Variants in XRCC5 observed in about 807,000 individuals in gnomAD.
XRCC5 encodes DNA repair protein Ku80.
A neutral mutation model predicts 95.7 loss-of-function variants in XRCC5; 12 were observed. The observed-to-expected ratio is 0.13, with a 90% CI of 0.08 to 0.20. XRCC5 has a LOEUF of 0.20. XRCC5 is among the 10% of genes least tolerant of loss of function. The pLI is 1.00. For synonymous variants in XRCC5, 281 were observed against 290.3 expected, an observed-to-expected ratio of 0.97 and a Z score of 0.33; for missense variants, 595 against 873.9, an observed-to-expected ratio of 0.68 and a Z score of 4.02.
intron 14 of XRCC5, among the ~76,000 whole-genome samples, chr2:216,152,248 C>A (rs374692227): frequency 4.0e-4 from 61 of 152,190 alleles, no homozygotes; most frequent in African/African-American, 1.4e-3. Context: ...ACCAGCCTGG[C>A]CAACATGGTG....
chr2:216,175,372 C>T, intron 16 of XRCC5: 1 of 490,178 alleles, frequency 2.0e-6, no homozygotes, highest in Non-Finnish European at 4.0e-6. Context: ...CTCCACAACC[C>T]ATAAAGTTGT....
At chr2:216,112,960 T>TA (rs1056079112) in intron 1 of XRCC5, 56 bp from the exon 2 acceptor site, 5 of 1,367,360 alleles carry the variant, frequency 3.7e-6, no homozygotes, top group Non-Finnish European at 5.2e-6. Context: ...GGGACATTCT[T>TA]ACAGTCTTTT....
At chr2:216,146,878 C>T (rs1010735860) in intron 13 of XRCC5, among the ~76,000 whole-genome samples, 2 of 152,172 alleles carry the variant, frequency 1.3e-5, no homozygotes, top group African/African-American at 2.4e-5. Flanking sequence ...TTTATTCCTT[C>T]AGCTGTTATC....
At chr2:216,159,391 T>C (rs1688905391) in intron 14 of XRCC5, among the ~76,000 whole-genome samples, 1 of 152,234 alleles carries the variant, frequency 6.6e-6, no homozygotes, top group Non-Finnish European at 1.5e-5. Flanking sequence ...AGGCAAGATG[T>C]TTGATATACT....
intron 14 of XRCC5, 39 bp from the exon 15 acceptor site, chr2:216,160,024 TTTGTA>T (rs1477902473): frequency 3.4e-6 from 4 of 1,177,444 alleles, no homozygotes; most frequent in Non-Finnish European, 4.8e-6. Context: ...GCAATCTGGT[TTTGTA>T]TTGTTTGTTC....
In XRCC5 at chr2:216,109,546, A is replaced by G. The variant is rs1003830595; in HGVS notation, c.21+89A>G. 22 of 1,572,536 alleles carry G rather than the reference A, an allele frequency of 1.4e-5. No homozygotes were observed. The African/African-American group carries it at 2.8e-4, about 20-fold the overall frequency. Reference sequence around the variant, plus strand: ...AGCAGGAATCGTGGGATCGCGGTCAAGACAAAGAATGGGGCAAGAGAAGAT... The same window carrying G: ...AGCAGGAATCGTGGGATCGCGGTCAGGACAAAGAATGGGGCAAGAGAAGAT... On this transcript the variant is annotated intron_variant, in intron 1 of 20. Coordinates refer to ENST00000392132, the MANE Select transcript of XRCC5 (RefSeq NM_021141.4).
Position 216,205,438 on chromosome 2 carries a change from GTAT to G in XRCC5, c.*241_*243del, listed in dbSNP as rs1689926332. The G allele has an allele frequency of 1.9e-6, 1 of 539,138 alleles. No individual in the cohort carries two copies. The highest frequency in any genetic ancestry group is 3.3e-6 in the Non-Finnish European group (1 of 303,302). 33.4% of individuals were successfully genotyped at this position (539,138 alleles called of 1,614,324 possible). On this transcript the variant is annotated 3_prime_UTR_variant, in exon 21 of 21. Coordinates refer to ENST00000392132, the MANE Select transcript of XRCC5 (RefSeq NM_021141.4). ...GAGTCATTGTTATTTTCTGGTTGGTGTATTATTTTTTCTGTGGTCTTACTGATC... is the reference window on the plus strand; with the variant it reads ...GAGTCATTGTTATTTTCTGGTTGGTGTATTTTTTCTGTGGTCTTACTGATC...
rs1051685 is a variant in XRCC5 at position 216,205,653 on chromosome 2, A to G, written c.*451A>G. On this transcript the variant is annotated 3_prime_UTR_variant, in exon 21 of 21. Coordinates refer to ENST00000392132, the MANE Select transcript of XRCC5 (RefSeq NM_021141.4). ...GCCTGATCCTCCAACAGCTGTCACA[A>G]CTTGTGTTGAGCAAGCAGTAGCATT... 27,171 of 157,042 alleles carry G rather than the reference A, an allele frequency of 0.17. 2,979 individuals carry two copies. Among genetic ancestry groups the G allele is most frequent in the African/African-American group, 0.32 (13,251 of 41,516 alleles). The allele number at this position is 157,042 out of a possible 1,614,324, so 9.7% of individuals were successfully genotyped here. A position where few individuals can be genotyped will look rare whatever the true frequency, so the allele number is the denominator to read the frequency against.
At chr2:216,139,409 A>C (rs902266019) in intron 12 of XRCC5, among the ~76,000 whole-genome samples, 1 of 152,162 alleles carries the variant, frequency 6.6e-6, no homozygotes, top group African/African-American at 2.4e-5. Context: ...AAGAAGCAAA[A>C]GTAGAAACCC....
intron 19 of XRCC5, among the ~76,000 whole-genome samples, chr2:216,202,864 T>C (rs932921946): frequency 1.3e-5 from 2 of 152,248 alleles, no homozygotes; most frequent in African/African-American, 4.8e-5. Flanking sequence ...TATCACTTTG[T>C]TACCTGTGTG....
intron 9 of XRCC5, 95 bp from the exon 10 acceptor site, chr2:216,132,230 T>C (rs1269011118): frequency 5.0e-6 from 6 of 1,201,582 alleles, no homozygotes; most frequent in African/African-American, 1.5e-5. Flanking sequence ...TGTTTTTCAG[T>C]AAGAGGATTT....
chr2:216,198,382 G>T (rs748068787), intron 19 of XRCC5, among the ~76,000 whole-genome samples: 52 of 152,098 alleles, frequency 3.4e-4, no homozygotes, highest in Non-Finnish European at 6.5e-4. Flanking sequence ...TGTTATATCT[G>T]TCAGTTCTCA....
At chr2:216,198,676 C>A (rs559235186) in intron 19 of XRCC5, among the ~76,000 whole-genome samples, 1 of 152,154 alleles carries the variant, frequency 6.6e-6, no homozygotes, top group African/African-American at 2.4e-5. Flanking sequence ...CCTCAGCCTC[C>A]CGAGTAGCTG....
chr2:216,127,113 G>C (rs766306903), intron 7 of XRCC5, among the ~76,000 whole-genome samples: 1 of 152,006 alleles, frequency 6.6e-6, no homozygotes, highest in Non-Finnish European at 1.5e-5. Flanking sequence ...GGTGATGTGC[G>C]TCTGTAGTCC....
intron 1 of XRCC5, 112 bp downstream of exon 1, chr2:216,109,569 G>C (rs568318372): frequency 2.0e-6 from 3 of 1,484,200 alleles, no homozygotes; most frequent in East Asian, 5.0e-5. Context: ...GGCAAGAGAA[G>C]ATCATGGTGG....
Position 216,141,205 on chromosome 2 carries a change from T to C in XRCC5, c.1362T>C (p.Val454=). ...TTTAAGAGGCACAGTTGAATGCTGT[T>C]GATGCTTTGATTGACTCCATGAGCT... The part of the protein sequence containing the change: ...YAPTEAQLNA[V]DALIDSMSLA... The change falls in exon 13 of 21, where the codon GTT becomes GTC. Residue 454 remains valine, a synonymous_variant. Transcript: ENST00000392132. 1 of 1,614,188 alleles carries C rather than the reference T, an allele frequency of 6.2e-7. No individual in the cohort carries two copies. Among genetic ancestry groups the C allele is most frequent in the Non-Finnish European group, 8.5e-7 (1 of 1,180,014 alleles).
At chr2:216,168,657 A>C (rs143191280) in intron 16 of XRCC5, among the ~76,000 whole-genome samples, 1,845 of 152,320 alleles carry the variant, frequency 0.012, 52 homozygotes, top group African/African-American at 0.042. Context: ...GTGGTAGCAT[A>C]AAAATGAAAG....
intron 19 of XRCC5, among the ~76,000 whole-genome samples, chr2:216,195,346 TTTTCTTTTC>T (rs1201069342): frequency 1.9e-4 from 2 of 10,552 alleles, no homozygotes; most frequent in African/African-American, 4.3e-3. Flanking sequence ...TTTTTCTTTT[TTTTCTTTTC>T]TTTTCTTTTC....
chr2:216,185,701 A>T (rs1385293728), intron 16 of XRCC5, among the ~76,000 whole-genome samples: 26 of 145,302 alleles, frequency 1.8e-4, no homozygotes, highest in African/African-American at 6.0e-4. Flanking sequence ...TTTGAGATGG[A>T]ATCTCACTCT....
Sources: allele counts gnomAD v4.1 joint callset (sites outside exome capture counted in the v4.1 genomes callset), GRCh38; gene constraint gnomAD v4.1.1; transcripts MANE v1.5; gene names NCBI Gene and HGNC (gene_info 2026-07-23, HGNC 2026-07-21).